Variants in ETV6 observed in about 807,000 individuals in gnomAD.
The protein encoded by ETV6 is ETS variant transcription factor 6, also known as transcription factor ETV6.
In ETV6, 16 loss-of-function variants were observed where a neutral mutation model predicts 51.1. That is an observed-to-expected ratio of 0.31 (90% CI 0.21 to 0.48). ETV6 has a LOEUF of 0.48. ETV6 is among the 20% of genes least tolerant of loss of function. The pLI, the probability that ETV6 is intolerant of heterozygous loss-of-function variation, is 0.99. For synonymous variants in ETV6, 240 were observed against 224.1 expected (o/e 1.07, Z -0.64); for missense variants, 458 against 594.8 (o/e 0.77, Z 2.39).
intron 1 of ETV6, among the ~76,000 whole-genome samples, chr12:11,676,101 T>C (rs139830599): frequency 2.6e-5 from 4 of 152,324 alleles, no homozygotes; most frequent in African/African-American, 9.6e-5. Context: ...CATGTCACTT[T>C]CTTTGTCAGT....
At chr12:11,839,346 C>A (rs758251353) in intron 3 of ETV6, 42 bp downstream of exon 3, 2 of 1,579,708 alleles carry the variant, frequency 1.3e-6, no homozygotes, top group Non-Finnish European at 1.7e-6. Flanking sequence ...CTTGGAAAGT[C>A]TCTTAGTTAG....
rs1947328505 is a variant in ETV6 at position 11,893,447 on chromosome 12, A to G, written c.*2401A>G. 4.3e-6 allele frequency: 1 copy of G among 231,622 alleles called. No individual in the cohort carries two copies. Among genetic ancestry groups the G allele is most frequent in the Non-Finnish European group, 8.5e-6 (1 of 117,170 alleles). 14.3% of individuals were successfully genotyped at this position (231,622 alleles called of 1,614,324 possible). The stretch of plus-strand genomic sequence containing the variant: ...GCAATATCCCAGGAGAATATGTTAG[A>G]CTTAGGATGATACCTTCAGCCACTT... On this transcript the variant is annotated 3_prime_UTR_variant, in exon 8 of 8. Coordinates refer to ENST00000396373, the MANE Select transcript of ETV6 (RefSeq NM_001987.5).
Position 11,893,303 on chromosome 12 carries a change from C to T in ETV6, c.*2257C>T, listed in dbSNP as rs1350004491. On this transcript the variant is annotated 3_prime_UTR_variant, in exon 8 of 8. Transcript: ENST00000396373. ...GGGCATGATGTTGCTAGGATTAGAGCCTCTCAGTCTGGCCTCTTCACCCAA... is the reference window on the plus strand; with the variant it reads ...GGGCATGATGTTGCTAGGATTAGAGTCTCTCAGTCTGGCCTCTTCACCCAA... 1 of 232,514 alleles carries T rather than the reference C, an allele frequency of 4.3e-6. No homozygotes were observed. Among genetic ancestry groups the T allele is most frequent in the African/African-American group, 2.2e-5 (1 of 45,372 alleles). The allele number at this position is 232,514 out of a possible 1,614,324, so 14.4% of individuals were successfully genotyped here. A position where few individuals can be genotyped will look rare whatever the true frequency, so the allele number is the denominator to read the frequency against.
chr12:11,817,565 TAACTA>T (rs1482049255), intron 2 of ETV6, among the ~76,000 whole-genome samples: 2 of 152,238 alleles, frequency 1.3e-5, no homozygotes, highest in East Asian at 1.9e-4. Flanking sequence ...AGTGTCTACT[TAACTA>T]ATCATGTACT....
intron 1 of ETV6, among the ~76,000 whole-genome samples, chr12:11,677,788 G>GT (rs1385780840): frequency 2.0e-5 from 3 of 152,210 alleles, no homozygotes; most frequent in African/African-American, 7.2e-5. Context: ...AATGAGGATA[G>GT]TAGCACCTAC....
At chr12:11,695,106 A>G (rs1010237905) in intron 1 of ETV6, among the ~76,000 whole-genome samples, 1 of 152,194 alleles carries the variant, frequency 6.6e-6, no homozygotes, top group Non-Finnish European at 1.5e-5. Context: ...GACTCATCTG[A>G]TGTGAACTGA....
chr12:11,664,952 T>C (rs947094848), intron 1 of ETV6, among the ~76,000 whole-genome samples: 1 of 152,208 alleles, frequency 6.6e-6, no homozygotes, highest in Admixed American at 6.5e-5. Context: ...CAGCTTCTTG[T>C]CACCTGCAAG....
At chr12:11,777,239 C>CAAA (rs5796465) in intron 2 of ETV6, among the ~76,000 whole-genome samples, 5,725 of 78,714 alleles carry the variant, frequency 0.073, 500 homozygotes, top group Middle Eastern at 0.13. Flanking sequence ...GACTCCGTGT[C>CAAA]AAAAAAAAAA....
chr12:11,764,637 C>A (rs1945137690), intron 2 of ETV6, among the ~76,000 whole-genome samples: 1 of 152,032 alleles, frequency 6.6e-6, no homozygotes, highest in South Asian at 2.1e-4. Context: ...CATGGTAATC[C>A]AAGTCTTGAG....
intron 1 of ETV6, among the ~76,000 whole-genome samples, chr12:11,727,781 G>A (rs541854777): frequency 3.4e-4 from 52 of 152,226 alleles, no homozygotes; most frequent in African/African-American, 9.1e-4. Context: ...GAGACCCCGC[G>A]GAGAAAGTAG....
intron 1 of ETV6, among the ~76,000 whole-genome samples, chr12:11,726,739 C>T (rs1049132023): frequency 6.6e-6 from 1 of 152,184 alleles, no homozygotes; most frequent in Non-Finnish European, 1.5e-5. Flanking sequence ...CACTGCACTC[C>T]AGCCTGGGTG....
At position 11,699,896 on chromosome 12, in the gene ETV6, A is replaced by G. The variant is rs540880559; in HGVS notation, c.33+49736A>G. Among the ~76,000 whole-genome samples, 268 of 152,284 alleles carry G rather than the reference A, an allele frequency of 1.8e-3. 2 individuals carry two copies. Among genetic ancestry groups the G allele is most frequent in the African/African-American group, 6.3e-3 (260 of 41,540 alleles). On this transcript the variant is annotated intron_variant, in intron 1 of 7. Transcript: ENST00000396373. ...ATTGGACTTCCTTCATTAAACTGTT[A>G]TGAATTTGCCTTCCCTGAGCTCCTG...
chr12:11,836,186 C>G (rs1946313031), intron 2 of ETV6, among the ~76,000 whole-genome samples: 1 of 152,120 alleles, frequency 6.6e-6, no homozygotes, highest in Non-Finnish European at 1.5e-5. Context: ...GCTTTTTCCC[C>G]CCTCAATTCT....
chr12:11,732,827 T>C (rs564772750), intron 1 of ETV6, among the ~76,000 whole-genome samples: 2 of 152,346 alleles, frequency 1.3e-5, no homozygotes, highest in African/African-American at 4.8e-5. Flanking sequence ...TCTGTAATCA[T>C]TATGTTAAAT....
chr12:11,834,035 C>T (rs1026127600), intron 2 of ETV6, among the ~76,000 whole-genome samples: 1 of 152,168 alleles, frequency 6.6e-6, no homozygotes, highest in Non-Finnish European at 1.5e-5. Context: ...CCTACTGCTG[C>T]GTTTAGGAAT....
At chr12:11,778,814 G>C (rs942062381) in intron 2 of ETV6, among the ~76,000 whole-genome samples, 2 of 152,232 alleles carry the variant, frequency 1.3e-5, no homozygotes, top group Admixed American at 6.5e-5. Context: ...AGCCCTCCGT[G>C]TGAGTGATTT....
At chr12:11,805,724 G>T (rs766147662) in intron 2 of ETV6, among the ~76,000 whole-genome samples, 1 of 152,224 alleles carries the variant, frequency 6.6e-6, no homozygotes, top group African/African-American at 2.4e-5. Context: ...TGGAAAAGCA[G>T]AGTGACACAT....
chr12:11,722,299 A>C (rs1006369251), intron 1 of ETV6, among the ~76,000 whole-genome samples: 1 of 152,342 alleles, frequency 6.6e-6, no homozygotes, highest in Admixed American at 6.5e-5. Flanking sequence ...TGAACAGTGA[A>C]ATGGCCAAAA....
chr12:11,792,625 TGTA>T (rs1473572721), intron 2 of ETV6, among the ~76,000 whole-genome samples: 1 of 151,590 alleles, frequency 6.6e-6, no homozygotes, highest in African/African-American at 2.4e-5. Flanking sequence ...AGGTGGAGGT[TGTA>T]GTGAGCTGAG....
Sources: allele counts gnomAD v4.1 joint callset (sites outside exome capture counted in the v4.1 genomes callset), GRCh38; gene constraint gnomAD v4.1.1; transcripts MANE v1.5; gene names NCBI Gene and HGNC (gene_info 2026-07-23, HGNC 2026-07-21).